Variants in NMNAT3 observed in about 807,000 individuals in gnomAD.
NMNAT3 encodes nicotinamide nucleotide adenylyltransferase 3.
Under a neutral mutation model 24.8 loss-of-function variants are expected in NMNAT3, and 21 were observed. The observed-to-expected ratio is 0.85, with a 90% CI of 0.60 to 1.22. NMNAT3 has a LOEUF of 1.22. Ranked by LOEUF, NMNAT3 falls within the 50% of genes most tolerant of loss-of-function variation. The pLI is 0.00. For synonymous variants in NMNAT3, 136 were observed against 155.2 expected (o/e 0.88, Z 0.92); for missense variants, 387 against 436.6 (o/e 0.89, Z 1.01).
chr3:139,669,476 C>CAAAAAAAAA (rs1491427335), intron 1 of NMNAT3, among the ~76,000 whole-genome samples: 1 of 34,466 alleles, frequency 2.9e-5, no homozygotes, highest in Non-Finnish European at 5.7e-5. Context: ...GACCCTGTCT[C>CAAAAAAAAA]AGAAAAAAAA....
At chr3:139,623,920 GGTTT>G (rs2055922009) in intron 3 of NMNAT3, among the ~76,000 whole-genome samples, 1 of 152,060 alleles carries the variant, frequency 6.6e-6, no homozygotes, top group African/African-American at 2.4e-5. Flanking sequence ...TTATGCAGTA[GGTTT>G]GTTTACACCA....
intron 3 of NMNAT3, among the ~76,000 whole-genome samples, chr3:139,598,294 G>C (rs2054567281): frequency 6.6e-6 from 1 of 152,158 alleles, no homozygotes; most frequent in South Asian, 2.1e-4. Context: ...CTCCTAGGGG[G>C]CTGGGGTAGG....
chr3:139,577,180 C>A (rs971811480), intron 5 of NMNAT3, among the ~76,000 whole-genome samples: 3 of 152,024 alleles, frequency 2.0e-5, no homozygotes, highest in African/African-American at 4.8e-5. Flanking sequence ...TTAGCTCACT[C>A]CTGTATTTTG....
chr3:139,596,933 TATATATATATATATATATATATATATATA>T (rs1308245737), intron 3 of NMNAT3, among the ~76,000 whole-genome samples: 10 of 37,374 alleles, frequency 2.7e-4, no homozygotes, highest in South Asian at 2.0e-3. Flanking sequence ...TATATATATA[TATATATATATATATATATATATATATATA>T]TATTTTTATT....
intron 3 of NMNAT3, among the ~76,000 whole-genome samples, chr3:139,595,496 T>C (rs949697240): frequency 2.0e-5 from 3 of 152,360 alleles, no homozygotes; most frequent in Admixed American, 1.3e-4. Flanking sequence ...AGAGCCCGCA[T>C]TGCGAAGTCA....
chr3:139,598,878 C>A (rs530978628), intron 3 of NMNAT3, among the ~76,000 whole-genome samples: 1 of 152,024 alleles, frequency 6.6e-6, no homozygotes, highest in Admixed American at 6.5e-5. Flanking sequence ...TGATGATGGA[C>A]AGTGAATTTT....
chr3:139,622,846 T>A (rs1241910256), intron 3 of NMNAT3, among the ~76,000 whole-genome samples: 3 of 118,600 alleles, frequency 2.5e-5, no homozygotes, highest in African/African-American at 9.6e-5. Flanking sequence ...ATATTATATA[T>A]ATTATATATA....
intron 1 of NMNAT3, among the ~76,000 whole-genome samples, chr3:139,665,778 T>C (rs1191298937): frequency 6.9e-6 from 1 of 145,160 alleles, no homozygotes; most frequent in Non-Finnish European, 1.5e-5. Context: ...TATTGATAAG[T>C]CATCTCCAGA....
intron 1 of NMNAT3, among the ~76,000 whole-genome samples, chr3:139,664,585 G>A (rs149564316): frequency 5.3e-5 from 8 of 152,314 alleles, no homozygotes; most frequent in Non-Finnish European, 7.3e-5. Context: ...GCTGAAAGAC[G>A]GAGAAGGTGA....
At chr3:139,563,407 A>C (rs1164761906) in intron 6 of NMNAT3, among the ~76,000 whole-genome samples, 1 of 151,950 alleles carries the variant, frequency 6.6e-6, no homozygotes, top group African/African-American at 2.4e-5. Flanking sequence ...CCTGGGACAC[A>C]CCCCCTCTCT....
At chr3:139,668,529 C>T (rs2057657022) in intron 1 of NMNAT3, among the ~76,000 whole-genome samples, 6 of 152,204 alleles carry the variant, frequency 3.9e-5, no homozygotes, top group Admixed American at 3.9e-4. Context: ...AATAGAATAC[C>T]TACCATCTGC....
chr3:139,601,862 A>G (rs2054732428), intron 3 of NMNAT3, among the ~76,000 whole-genome samples: 1 of 152,212 alleles, frequency 6.6e-6, no homozygotes, highest in South Asian at 2.1e-4. Flanking sequence ...AATCACCTAC[A>G]ATGTTGAAGG....
chr3:139,671,620 A>T lies in NMNAT3; in HGVS notation c.-141+6085T>A, dbSNP rs796348275. Among the ~76,000 whole-genome samples the T allele has an allele frequency of 5.2e-3, 784 of 150,846 alleles. 4 individuals are homozygous for T. The highest frequency in any genetic ancestry group is 0.017 in the African/African-American group (695 of 41,184). ...GTGGTATCCTTTCTCTCTCTCTCTC[A>T]CACACACACACACACAAACATTAAG... On this transcript the variant is annotated intron_variant, in intron 1 of 6. Coordinates refer to ENST00000643695, the MANE Select transcript of NMNAT3 (RefSeq NM_001320510.2).
chr3:139,569,470 G>A (rs1283144342), intron 6 of NMNAT3: 1 of 152,238 alleles, frequency 6.6e-6, no homozygotes, highest in Non-Finnish European at 1.5e-5. Flanking sequence ...TGATTTTGCA[G>A]TGGCTGGTAC....
intron 3 of NMNAT3, among the ~76,000 whole-genome samples, chr3:139,612,350 TAG>T (rs1220371135): frequency 6.6e-6 from 1 of 151,960 alleles, no homozygotes; most frequent in African/African-American, 2.4e-5. Context: ...TCCTACTCGG[TAG>T]AGTTTCCAGA....
chr3:139,660,441 C>T (rs1318074129), intron 1 of NMNAT3, among the ~76,000 whole-genome samples: 1 of 152,150 alleles, frequency 6.6e-6, no homozygotes, highest in Non-Finnish European at 1.5e-5. Flanking sequence ...CTTAAAGTCC[C>T]TCACAGCTCA....
At chr3:139,592,635 A>G (rs1278723942) in intron 3 of NMNAT3, among the ~76,000 whole-genome samples, 1 of 152,208 alleles carries the variant, frequency 6.6e-6, no homozygotes, top group Non-Finnish European at 1.5e-5. Flanking sequence ...CAGAAACTCT[A>G]CAAGCCAGAA....
chr3:139,583,661 T>C (rs905785813), intron 3 of NMNAT3: 1 of 875,452 alleles, frequency 1.1e-6, no homozygotes, highest in African/African-American at 1.7e-5. Flanking sequence ...TGGAAGTAGT[T>C]TGTGACTGTT....
chr3:139,590,771 T>A (rs917996418), intron 3 of NMNAT3, among the ~76,000 whole-genome samples: 4 of 152,054 alleles, frequency 2.6e-5, no homozygotes, highest in Non-Finnish European at 4.4e-5. Flanking sequence ...GTTAATATGG[T>A]TTATATTATA....
Sources: allele counts gnomAD v4.1 joint callset (sites outside exome capture counted in the v4.1 genomes callset), GRCh38; gene constraint gnomAD v4.1.1; transcripts MANE v1.5; gene names NCBI Gene and HGNC (gene_info 2026-07-23, HGNC 2026-07-21).